Variants in CSNK2A1 observed in about 807,000 individuals in gnomAD.
The protein encoded by CSNK2A1 is casein kinase 2 alpha 1.
CSNK2A1 carries 10 observed loss-of-function variants against 62.9 expected under a neutral mutation model. The ratio of observed to expected loss-of-function variants is 0.16; its 90% CI spans 0.10 to 0.27. CSNK2A1 has a LOEUF of 0.27. CSNK2A1 is among the 10% of genes least tolerant of loss of function. CSNK2A1 has a pLI of 1.00. For synonymous variants in CSNK2A1, 124 were observed against 167.8 expected, an observed-to-expected ratio of 0.74 and a Z score of 2.02; for missense variants, 160 against 492.0, an observed-to-expected ratio of 0.33 and a Z score of 6.38.
intron 1 of CSNK2A1, 80 bp downstream of exon 1, chr20:543,592 T>G: frequency 2.5e-6 from 1 of 396,998 alleles, no homozygotes; most frequent in Admixed American, 4.4e-5. Flanking sequence ...GCTGGAAGCG[T>G]GAGGGTCGGC....
chr20:514,260 C>A (rs1294358474), intron 2 of CSNK2A1, among the ~76,000 whole-genome samples: 2 of 151,966 alleles, frequency 1.3e-5, no homozygotes, highest in African/African-American at 2.4e-5. Flanking sequence ...GGAAGGATCA[C>A]TTGAGCCTGG....
At chr20:528,682 G>T (rs932987821) in intron 1 of CSNK2A1, among the ~76,000 whole-genome samples, 1 of 151,720 alleles carries the variant, frequency 6.6e-6, no homozygotes, top group African/African-American at 2.4e-5. Flanking sequence ...GGCTGGTCTG[G>T]AAGTCCTAAG....
rs1244056432 is a variant in CSNK2A1 at position 478,293 on chromosome 20, TA to T, written c.*5667del. 1 of 158,738 alleles carries T rather than the reference TA, an allele frequency of 6.3e-6. No homozygotes were observed. 9.8% of individuals were successfully genotyped at this position (158,738 alleles called of 1,614,324 possible). A position where few individuals can be genotyped will look rare whatever the true frequency, so the allele number is the denominator to read the frequency against. ...CCGTCAGGTTTGAAGGGTTGAGGGT[TA>T]TGGAGGGTTCTTCATAGGAAGTTCA... On this transcript the variant is annotated 3_prime_UTR_variant, in exon 14 of 14. Transcript: ENST00000217244.
intron 3 of CSNK2A1, among the ~76,000 whole-genome samples, chr20:505,478 G>A (rs2018558947): frequency 6.8e-6 from 1 of 146,724 alleles, no homozygotes; most frequent in African/African-American, 2.5e-5. Flanking sequence ...TCCTGCCTCA[G>A]CCTCCCGAGC....
chr20:534,875 A>C (rs1600417662), intron 1 of CSNK2A1, among the ~76,000 whole-genome samples: 2 of 144,006 alleles, frequency 1.4e-5, no homozygotes, highest in East Asian at 2.0e-4. Flanking sequence ...CTAAAATACA[A>C]AAAAAAAAAA....
chr20:506,971 AGAG>A (rs1206608428), intron 3 of CSNK2A1: 2 of 152,234 alleles, frequency 1.3e-5, no homozygotes, highest in African/African-American at 4.8e-5. Flanking sequence ...CTGTGACATA[AGAG>A]GAGAATTGTT....
intron 2 of CSNK2A1, among the ~76,000 whole-genome samples, chr20:521,701 G>A (rs964572378): frequency 1.3e-5 from 2 of 152,218 alleles, no homozygotes; most frequent in Non-Finnish European, 2.9e-5. Flanking sequence ...GCCATGTGAT[G>A]CTTAGCAATA....
intron 1 of CSNK2A1, among the ~76,000 whole-genome samples, chr20:531,581 TG>T (rs1205243194): frequency 1.3e-5 from 2 of 152,058 alleles, no homozygotes; most frequent in Admixed American, 6.6e-5. Context: ...CATTTTTTTT[TG>T]AAGAAAAAAA....
chr20:499,764 G>A lies in CSNK2A1; in HGVS notation c.315+69C>T. 1.4e-6 allele frequency: 2 copies of A among 1,452,188 alleles called. No individual in the cohort carries two copies. The highest frequency in any genetic ancestry group is 2.3e-5 in the South Asian group (2 of 86,128). The allele number at this position is 1,452,188 out of a possible 1,614,324, so 90.0% of individuals were successfully genotyped here. A position where few individuals can be genotyped will look rare whatever the true frequency, so the allele number is the denominator to read the frequency against. On this transcript the variant is annotated intron_variant, in intron 5 of 13. Transcript: ENST00000217244. The surrounding 1 kb of genome is among the most constrained non-coding windows in gnomAD (Gnocchi z 4.2). ...AGGGTTGGGGGAGGGAACAAAAAGA[G>A]GCCAGTTGTGCTCCAGGTCAAACAC...
At chr20:509,429 G>C (rs2018670187) in intron 2 of CSNK2A1, among the ~76,000 whole-genome samples, 1 of 152,196 alleles carries the variant, frequency 6.6e-6, no homozygotes, top group Admixed American at 6.5e-5. Context: ...CCTTTCCAAT[G>C]ATGTCTTCCC....
chr20:490,092 C>T (rs370077151), intron 9 of CSNK2A1, among the ~76,000 whole-genome samples: 13 of 148,908 alleles, frequency 8.7e-5, no homozygotes, highest in African/African-American at 2.5e-4. Flanking sequence ...AGTGCAGTGG[C>T]GCAATCTTGG....
chr20:532,337 T>G (rs891781879), intron 1 of CSNK2A1, among the ~76,000 whole-genome samples: 8 of 149,870 alleles, frequency 5.3e-5, no homozygotes, highest in African/African-American at 1.5e-4. Context: ...CTAATTTTTT[T>G]TTTTTTTTTT....
rs535388455 is a variant in CSNK2A1, at chr20:478,337, C to T, written c.*5624G>A. ...GAAGTTCACCATGGAGTTCTTGGAA[C>T]TGTTCAACACACAGAAGCAAGGTCC... On this transcript the variant is annotated 3_prime_UTR_variant, in exon 14 of 14. Coordinates refer to ENST00000217244, the MANE Select transcript of CSNK2A1 (RefSeq NM_177559.3). The T allele has an allele frequency of 1.1e-5, 2 of 174,192 alleles. No individual in the cohort carries two copies. The highest frequency in any genetic ancestry group is 4.8e-5 in the African/African-American group (2 of 41,668). 10.8% of individuals were successfully genotyped at this position (174,192 alleles called of 1,614,324 possible). A position where few individuals can be genotyped will look rare whatever the true frequency, so the allele number is the denominator to read the frequency against.
chr20:537,426 G>T (rs2019357832), intron 1 of CSNK2A1, among the ~76,000 whole-genome samples: 1 of 151,936 alleles, frequency 6.6e-6, no homozygotes, highest in Non-Finnish European at 1.5e-5. Context: ...ACTCTTAGCA[G>T]TATCTTGTGA....
intron 8 of CSNK2A1, 91 bp downstream of exon 8, chr20:495,611 CTGCCGAATAGGTACTAG>C: frequency 1.2e-6 from 1 of 836,808 alleles, no homozygotes; most frequent in Non-Finnish European, 2.0e-6. Flanking sequence ...TATTTCTCAA[CTGCCGAATAGGTACTAG>C]GGCCTGTGAC....
chr20:532,512 G>C (rs1483317194), intron 1 of CSNK2A1, among the ~76,000 whole-genome samples: 1 of 151,832 alleles, frequency 6.6e-6, no homozygotes. Context: ...ATATTTGTAT[G>C]GCACAATGGG....
chr20:523,858 C>CAAAAAAAAAAAAAAAAAAAAAAAAAAA (rs11401840), intron 2 of CSNK2A1, among the ~76,000 whole-genome samples: 2 of 45,546 alleles, frequency 4.4e-5, no homozygotes, highest in African/African-American at 1.8e-4. Context: ...GACTCCATCT[C>CAAAAAAAAAAAAAAAAAAAAAAAAAAA]AAAAAAAAAA....
At chr20:535,772 G>A (rs1012030415) in intron 1 of CSNK2A1, among the ~76,000 whole-genome samples, 3 of 150,656 alleles carry the variant, frequency 2.0e-5, no homozygotes, top group Admixed American at 6.6e-5. Context: ...TTAAAGTGCC[G>A]ATAAATACAA....
chr20:505,708 G>A (rs1044536988), intron 3 of CSNK2A1, among the ~76,000 whole-genome samples: 4 of 149,232 alleles, frequency 2.7e-5, no homozygotes, highest in Non-Finnish European at 4.4e-5. Flanking sequence ...AAATACGTGT[G>A]TTTCAAATCC....
Sources: gnomAD v4.1 joint callset for allele counts (sites outside exome capture counted in the v4.1 genomes callset) on GRCh38, gnomAD v4.1.1 for gene constraint, Gnocchi (gnomAD v3.1) non-coding constraint, MANE v1.5 for transcripts, NCBI Gene and HGNC (gene_info 2026-07-23, HGNC 2026-07-21) for gene names.